The following HDAC9 variants were observed in gnomAD, a reference collection of about 807,000 sequenced individuals.
HDAC9 encodes MEF-2 interacting transcription repressor (MITR) protein.
A neutral mutation model predicts 139.4 loss-of-function variants in HDAC9; 41 were observed. The ratio of observed to expected loss-of-function variants is 0.29; its 90% CI spans 0.23 to 0.38. HDAC9 has a LOEUF of 0.38. Among genes scored for constraint, HDAC9 ranks in the 10% least tolerant of loss-of-function variants. The pLI, the probability that HDAC9 is intolerant of heterozygous loss-of-function variation, is 1.00. For missense variants in HDAC9, 1,147 were observed against 1,297.0 expected (o/e 0.88, Z 1.78); for synonymous variants, 517 against 476.2 (o/e 1.09, Z -1.12).
At chr7:18,336,311 C>T (rs1391358542) in intron 1 of HDAC9, among the ~76,000 whole-genome samples, 2 of 151,574 alleles carry the variant, frequency 1.3e-5, no homozygotes, top group African/African-American at 4.8e-5. Flanking sequence ...ATCTGGTTAT[C>T]CATGTGCTAT....
At chr7:18,392,919 CAAAAAAAAAAAAAA>C (rs773532939) in intron 1 of HDAC9, among the ~76,000 whole-genome samples, 4 of 44,556 alleles carry the variant, frequency 9.0e-5, no homozygotes, top group Admixed American at 3.0e-4. Flanking sequence ...CCATGACTGG[CAAAAAAAAAAAAAA>C]AAAAAAAAAA....
intron 2 of HDAC9, among the ~76,000 whole-genome samples, chr7:18,563,559 A>C (rs1349900041): frequency 6.6e-6 from 1 of 152,184 alleles, no homozygotes; most frequent in Non-Finnish European, 1.5e-5. Flanking sequence ...CTGTGATTAC[A>C]CAATGTATTT....
chr7:18,488,337 G>A (rs925052738), intron 1 of HDAC9, among the ~76,000 whole-genome samples: 4 of 151,910 alleles, frequency 2.6e-5, no homozygotes, highest in Non-Finnish European at 1.5e-5. Context: ...GAAAAGCAAG[G>A]TTTTCTAGTT....
In HDAC9 at chr7:18,923,475, A is replaced by T. The variant is rs556215903; in HGVS notation, c.2804-12334A>T. Among the ~76,000 whole-genome samples, 3 of 152,056 alleles carry T rather than the reference A, an allele frequency of 2.0e-5. No individual in the cohort carries two copies. The South Asian group carries it at 6.2e-4, about 32-fold the overall frequency. On this transcript the variant is annotated intron_variant, in intron 22 of 25. Transcript: ENST00000686413. ...TGCTTTTTTATTTATTCTGGTACAT[A>T]CCCAGCTATTCCCCAAAGTCCTGGC...
chr7:18,323,105 G>C (rs903655025), intron 1 of HDAC9, among the ~76,000 whole-genome samples: 6 of 152,212 alleles, frequency 3.9e-5, no homozygotes, highest in Admixed American at 3.3e-4. Context: ...CTTTCTTAAG[G>C]CCTCCTCATG....
At chr7:18,273,456 T>G (rs1230484267) in intron 2 of HDAC9, among the ~76,000 whole-genome samples, 2 of 152,120 alleles carry the variant, frequency 1.3e-5, no homozygotes, top group Non-Finnish European at 2.9e-5. Flanking sequence ...ACACATAATA[T>G]ATACATATCT....
chr7:18,653,665 A>ATC, intron 11 of HDAC9, among the ~76,000 whole-genome samples: 1 of 152,312 alleles, frequency 6.6e-6, no homozygotes, highest in Middle Eastern at 3.4e-3. Flanking sequence ...GAGGTCAAGC[A>ATC]GATGTACTGT....
chr7:18,995,965 T>C, intron 25 of HDAC9, 58 bp from the exon 26 acceptor site: 1 of 1,333,534 alleles, frequency 7.5e-7, no homozygotes. Flanking sequence ...TGCATGAAAA[T>C]CTACAATGTC....
chr7:18,669,764 C>A (rs80097188), intron 12 of HDAC9, among the ~76,000 whole-genome samples: 5,209 of 151,806 alleles, frequency 0.034, 151 homozygotes, highest in Non-Finnish European at 0.052. Context: ...AAGCATCAAT[C>A]CAGCATTAGA....
intron 2 of HDAC9, among the ~76,000 whole-genome samples, chr7:18,200,533 C>G (rs541680308): frequency 6.6e-6 from 1 of 152,134 alleles, no homozygotes; most frequent in African/African-American, 2.4e-5. Flanking sequence ...GGAGTTTGGC[C>G]CAACCAATCT....
At chr7:18,170,853 G>T (rs1788376727) in intron 2 of HDAC9, among the ~76,000 whole-genome samples, 1 of 152,192 alleles carries the variant, frequency 6.6e-6, no homozygotes, top group Admixed American at 6.5e-5. Flanking sequence ...CTGTTGGCTT[G>T]TAGTATAGTT....
intron 22 of HDAC9, among the ~76,000 whole-genome samples, chr7:18,896,425 CTT>C (rs1415739911): frequency 2.0e-5 from 3 of 152,006 alleles, no homozygotes; most frequent in African/African-American, 2.4e-5. Flanking sequence ...AAGGTAGAAA[CTT>C]ATCTTCATTA....
intron 15 of HDAC9, 97 bp downstream of exon 15, chr7:18,762,374 C>T (rs1213064086): frequency 2.9e-6 from 4 of 1,397,360 alleles, no homozygotes; most frequent in Non-Finnish European, 2.0e-6. Flanking sequence ...AGTAGTGCAA[C>T]AAAAAATCAG....
chr7:18,991,016 A>G (rs1318892531), intron 25 of HDAC9, among the ~76,000 whole-genome samples: 1 of 152,182 alleles, frequency 6.6e-6, no homozygotes, highest in African/African-American at 2.4e-5. Context: ...TGCGTTGCCC[A>G]TGCTGGGAGC....
intron 1 of HDAC9, among the ~76,000 whole-genome samples, chr7:18,334,001 C>T (rs1378314687): frequency 1.3e-5 from 2 of 151,246 alleles, no homozygotes; most frequent in Non-Finnish European, 3.0e-5. Flanking sequence ...TCAATGACTA[C>T]TTATAATTTC....
At chr7:18,290,170 GT>G (rs139364909), upstream of HDAC9, 1,794 of 193,214 alleles carry the variant, frequency 9.3e-3, 25 homozygotes, top group African/African-American at 0.038. Flanking sequence ...TGAATTGCTG[GT>G]TTCTGTAGTC....
intron 2 of HDAC9, among the ~76,000 whole-genome samples, chr7:18,225,340 C>T (rs1792982930): frequency 6.6e-6 from 1 of 152,134 alleles, no homozygotes; most frequent in Admixed American, 6.6e-5. Context: ...TTCAAAACCT[C>T]CTGTTTAAAA....
intron 1 of HDAC9, among the ~76,000 whole-genome samples, chr7:18,420,779 G>A (rs187904770): frequency 5.3e-5 from 8 of 152,238 alleles, no homozygotes; most frequent in African/African-American, 1.9e-4. Flanking sequence ...AAAATATCAG[G>A]TAGTGATACT....
intron 12 of HDAC9, among the ~76,000 whole-genome samples, chr7:18,692,112 C>G (rs1369977001): frequency 6.6e-6 from 1 of 152,066 alleles, no homozygotes; most frequent in Non-Finnish European, 1.5e-5. Flanking sequence ...AGAGTTAAGG[C>G]TTAATGTGAT....
Sources: gnomAD v4.1 joint callset for allele counts (sites outside exome capture counted in the v4.1 genomes callset) on GRCh38, gnomAD v4.1.1 for gene constraint, MANE v1.5 for transcripts, NCBI Gene and HGNC (gene_info 2026-07-23, HGNC 2026-07-21) for gene names.